Variants in SYDE2 observed in about 807,000 individuals in gnomAD.
SYDE2 encodes the protein synapse defective Rho GTPase homolog 2.
A neutral mutation model predicts 91.5 loss-of-function variants in SYDE2; 76 were observed. The ratio of observed to expected loss-of-function variants is 0.83; its 90% confidence interval spans 0.69 to 1.01. The LOEUF is 1.01. Among genes scored for constraint, SYDE2 ranks in the 50% least tolerant of loss-of-function variants. SYDE2 has a pLI of 0.00. For missense variants in SYDE2, 1,364 were observed against 1,367.7 expected (o/e 1.00, Z 0.04); for synonymous variants, 513 against 506.4 (o/e 1.01, Z -0.18).
chr1:85,197,762 C>G (rs1658644700), intron 1 of SYDE2, among the ~76,000 whole-genome samples: 1 of 152,130 alleles, frequency 6.6e-6, no homozygotes, highest in Non-Finnish European at 1.5e-5. Context: ...TCACGCCATT[C>G]TCCTGCCTCA....
chr1:85,163,145 C>G (rs939941484), intron 6 of SYDE2, among the ~76,000 whole-genome samples: 31 of 147,006 alleles, frequency 2.1e-4, no homozygotes, highest in African/African-American at 7.5e-4. Context: ...CTCACGCTGT[C>G]CCCCAGGCTA....
At chr1:85,168,090 G>A (rs903404318) in intron 5 of SYDE2, among the ~76,000 whole-genome samples, 2 of 151,454 alleles carry the variant, frequency 1.3e-5, no homozygotes, top group Non-Finnish European at 2.9e-5. Flanking sequence ...ACTCAAGCCC[G>A]GGCAACAGAG....
chr1:85,197,063 A>T (rs186084734), intron 1 of SYDE2, among the ~76,000 whole-genome samples: 19 of 152,268 alleles, frequency 1.2e-4, no homozygotes, highest in Non-Finnish European at 2.8e-4. Context: ...GCTAATTAAA[A>T]CTTATTTATA....
intron 3 of SYDE2, 193 bp downstream of exon 3, chr1:85,181,905 G>A (rs1241482457): frequency 3.8e-6 from 2 of 532,186 alleles, no homozygotes; most frequent in East Asian, 6.6e-5. Context: ...GAATCATCTA[G>A]CATGCTCTCA....
intron 4 of SYDE2, among the ~76,000 whole-genome samples, chr1:85,172,656 T>C (rs1657543140): frequency 6.6e-6 from 1 of 152,132 alleles, no homozygotes; most frequent in Admixed American, 6.6e-5. Flanking sequence ...AAATGAAGTG[T>C]GCCCACAACA....
chr1:85,168,628 C>T (rs146094590), intron 5 of SYDE2, among the ~76,000 whole-genome samples: 1 of 152,246 alleles, frequency 6.6e-6, no homozygotes, highest in East Asian at 1.9e-4. Context: ...AAGCCATGTA[C>T]ACCAACACAG....
chr1:85,181,488 C>T (rs1325136409), intron 3 of SYDE2: 1 of 152,032 alleles, frequency 6.6e-6, no homozygotes, highest in South Asian at 2.1e-4. Context: ...AAGTAAGACC[C>T]ACAGAGATTA....
intron 6 of SYDE2, chr1:85,160,831 T>G (rs983424002): frequency 2.4e-5 from 24 of 985,298 alleles, no homozygotes; most frequent in Middle Eastern, 5.2e-4. Flanking sequence ...TTTTCAGACA[T>G]TTGCCTGCAA....
chr1:85,187,469 G>A (rs1658190962), intron 2 of SYDE2, among the ~76,000 whole-genome samples: 1 of 149,252 alleles, frequency 6.7e-6, no homozygotes. Flanking sequence ...GATTCCTCAG[G>A]GATCTAGAAC....
intron 6 of SYDE2, chr1:85,160,951 A>G (rs1263334679): frequency 2.0e-6 from 2 of 980,164 alleles, no homozygotes; most frequent in Admixed American, 6.2e-5. Context: ...AATTAAACTG[A>G]TATTTTATAT....
downstream of SYDE2, chr1:85,154,273 G>C (rs1025100161): frequency 3.3e-5 from 5 of 149,804 alleles, no homozygotes; most frequent in African/African-American, 1.2e-4. Context: ...TCTTTTCAGG[G>C]ACCCTACCAG....
rs1012887284 is a variant in SYDE2, at chr1:85,200,973, C to G, written c.24G>C (p.Ser8=). Reference sequence around the variant, plus strand: ...AGCCCCTGCCGCCCCGCCGCGCGCCCGAGTCAGGGGGCAGGTCGTGCATGG... The same window carrying G: ...AGCCCCTGCCGCCCCGCCGCGCGCCGGAGTCAGGGGGCAGGTCGTGCATGG... The part of the protein sequence containing the change: MHDLPPD[S]GARRGGRGLA... The change falls in exon 1 of 7, where the codon TCG becomes TCC. Residue 8 remains serine, a synonymous_variant. Transcript: ENST00000341460. 3.1e-6 allele frequency: 4 copies of G among 1,303,802 alleles called. No homozygotes were observed. The highest frequency in any genetic ancestry group is 3.6e-5 in the Admixed American group (1 of 27,624). 80.8% of individuals were successfully genotyped at this position (1,303,802 alleles called of 1,614,324 possible). A position where few individuals can be genotyped will look rare whatever the true frequency, so the allele number is the denominator to read the frequency against.
chr1:85,182,242 A>C lies in SYDE2; in HGVS notation c.2400T>G (p.Asn800Lys). 6.2e-7 allele frequency: 1 copy of C among 1,610,388 alleles called. No individual in the cohort carries two copies. The highest frequency in any genetic ancestry group is 8.5e-7 in the Non-Finnish European group (1 of 1,178,878). Reference sequence around the variant, plus strand: ...GGTTTATATCTAGTCCATGAAGAGAATTCTCCCACTGTTCCATAAGAGTCA... The same window carrying C: ...GGTTTATATCTAGTCCATGAAGAGACTTCTCCCACTGTTCCATAAGAGTCA... ...VKVTLMEQWE[N>K]SLHGLDINQE... The change falls in exon 3 of 7, where the codon AAT (asparagine) becomes AAG (lysine). Residue 800 changes from asparagine (N) to lysine (K), a missense_variant. Physicochemically the swap from Asn to Lys is moderately conservative, Grantham distance 94. Transcript: ENST00000341460.
chr1:85,183,159 T>A lies in SYDE2; in HGVS notation c.1483A>T (p.Ile495Phe). ...LAATNSTELG[I>F]MEPSSPNPSP... is the part of the protein sequence containing the mutation. ...GGATTTGGAGAAGATGGTTCCATAA[T>A]TCCCAATTCAGTACTATTTGTAGCA... The change falls in exon 3 of 7, where the codon ATT becomes TTT. Residue 495 changes from isoleucine to phenylalanine, a missense_variant. Physicochemically the swap from Ile to Phe is conservative, Grantham distance 21. Coordinates refer to ENST00000341460, the MANE Select transcript of SYDE2 (RefSeq NM_032184.2). 6.3e-7 allele frequency: 1 copy of A among 1,599,706 alleles called. No homozygotes were observed. Among genetic ancestry groups the A allele is most frequent in the Non-Finnish European group, 8.5e-7 (1 of 1,175,686 alleles).
At chr1:85,177,997 G>A in intron 4 of SYDE2, 149 bp downstream of exon 4, 5 of 725,868 alleles carry the variant, frequency 6.9e-6, no homozygotes, top group East Asian at 2.8e-5. Context: ...CCTTCCCATA[G>A]AAAATAACAC....
chr1:85,165,470 T>A (rs1338879221), intron 5 of SYDE2, among the ~76,000 whole-genome samples: 1 of 152,126 alleles, frequency 6.6e-6, no homozygotes, highest in Admixed American at 6.5e-5. Flanking sequence ...GTAATCACTA[T>A]CATGCTTAAA....
chr1:85,190,692 T>C lies in SYDE2; in HGVS notation c.806A>G (p.Asp269Gly), dbSNP rs1371171047. ...MKGRELEELK[D>G]NIEFRGHKPL... is the part of the protein sequence containing the mutation. ...CTTATGACCTCTGAATTCAATATTA[T>C]CCTTCAGCTCTTCAAGTTCTCTTCC... is the stretch of plus-strand genomic sequence containing the variant. Residue 269 changes from aspartate (D) to glycine (G), a missense_variant, in exon 2 of 7, where the codon GAT (aspartate) becomes GGT (glycine). Coordinates refer to ENST00000341460, the MANE Select transcript of SYDE2 (RefSeq NM_032184.2). The C allele has an allele frequency of 2.5e-6, 4 of 1,613,574 alleles. No individual in the cohort carries two copies. Among genetic ancestry groups the C allele is most frequent in the Non-Finnish European group, 3.4e-6 (4 of 1,179,782 alleles).
Position 85,182,401 on chromosome 1 carries a change from G to C in SYDE2, c.2241C>G (p.Phe747Leu). 1.2e-6 allele frequency: 2 copies of C among 1,613,724 alleles called. No individual in the cohort carries two copies. The highest frequency in any genetic ancestry group is 1.7e-6 in the Non-Finnish European group (2 of 1,179,786). Residue 747 changes from phenylalanine (F) to leucine (L), a missense_variant, in exon 3 of 7, where the codon TTC becomes TTG. By Grantham distance (22) the Phe-to-Leu change is conservative. Coordinates refer to ENST00000341460, the MANE Select transcript of SYDE2 (RefSeq NM_032184.2). ...TTTTTCTTGGAGTGGGTTCCCAACT[G>C]AATACTACTAGTTTCAAATGTTGTG... ...ENAQHLKLVV[F>L]SWEPTPRKNR... is the part of the protein sequence containing the mutation.
Position 85,190,682 on chromosome 1 carries a change from T to C in SYDE2, c.816A>G (p.Glu272=), listed in dbSNP as rs1658331784. 1 of 1,613,936 alleles carries C rather than the reference T, an allele frequency of 6.2e-7. No homozygotes were observed. The highest frequency in any genetic ancestry group is 8.5e-7 in the Non-Finnish European group (1 of 1,179,868). ...RELEELKDNI[E]FRGHKPLNSI... is the part of the protein sequence containing the mutation. ...TGTTAAGTGGCTTATGACCTCTGAA[T>C]TCAATATTATCCTTCAGCTCTTCAA... Residue 272 remains glutamate (E), a synonymous_variant, in exon 2 of 7, where the codon GAA becomes GAG. Transcript: ENST00000341460.
Sources: gnomAD v4.1 joint callset for allele counts (sites outside exome capture counted in the v4.1 genomes callset) on GRCh38, gnomAD v4.1.1 for gene constraint, MANE v1.5 for transcripts, NCBI Gene and HGNC (gene_info 2026-07-23, HGNC 2026-07-21) for gene names.